The following SMYD3 variants were observed in gnomAD, a reference collection of about 807,000 sequenced individuals.
SMYD3 encodes SET and MYND domain containing 3, also known as histone-lysine N-methyltransferase SMYD3.
SMYD3 carries 36 observed loss-of-function variants against 57.7 expected under a neutral mutation model. The ratio of observed to expected loss-of-function variants is 0.62; its 90% CI spans 0.48 to 0.82. The LOEUF is 0.82. Among genes scored for constraint, SMYD3 ranks in the 40% least tolerant of loss-of-function variants. SMYD3 has a pLI of 0.00. For synonymous variants in SMYD3, 211 were observed against 195.0 expected (o/e 1.08, Z -0.68); for missense variants, 515 against 538.8 (o/e 0.96, Z 0.44).
At chr1:245,894,843 G>A (rs1006283475) in intron 8 of SMYD3, among the ~76,000 whole-genome samples, 3 of 152,188 alleles carry the variant, frequency 2.0e-5, no homozygotes, top group Non-Finnish European at 2.9e-5. Context: ...AGAAAAGAAT[G>A]TGTGTGCAAG....
intron 7 of SMYD3, among the ~76,000 whole-genome samples, chr1:245,925,179 A>C (rs113632056): frequency 6.6e-6 from 1 of 152,104 alleles, no homozygotes; most frequent in African/African-American, 2.4e-5. Flanking sequence ...AAAATGTCTA[A>C]AATTTTTTCC....
Position 246,355,118 on chromosome 1 carries a change from G to T in SMYD3, c.165-24C>A. The T allele has an allele frequency of 6.2e-7, 1 of 1,611,952 alleles. No homozygotes were observed. Among genetic ancestry groups the T allele is most frequent in the Non-Finnish European group, 8.5e-7 (1 of 1,178,116 alleles). ...TCCTGTGGGGAAAAAAATTAATTCT[G>T]CATTAAGAAATGAGTGGGAAACATA... is the stretch of plus-strand genomic sequence containing the variant. On this transcript the variant is annotated intron_variant, in intron 1 of 11. Coordinates refer to ENST00000490107, the MANE Select transcript of SMYD3 (RefSeq NM_001167740.2). The surrounding 1 kb of genome is among the most constrained non-coding windows in gnomAD (Gnocchi z 5.0).
chr1:246,406,581 A>C (rs1180878952), intron 1 of SMYD3, among the ~76,000 whole-genome samples: 2 of 152,222 alleles, frequency 1.3e-5, no homozygotes, highest in Non-Finnish European at 2.9e-5. Flanking sequence ...CACCGTGTCC[A>C]TAGTGCTACG....
intron 11 of SMYD3, among the ~76,000 whole-genome samples, chr1:245,751,445 C>CT (rs35312194): frequency 5.3e-5 from 8 of 152,012 alleles, no homozygotes; most frequent in Non-Finnish European, 1.2e-4. Flanking sequence ...TTTCTGGCTT[C>CT]TTTTTTCACC....
At chr1:245,803,626 A>T (rs2047985371) in intron 10 of SMYD3, among the ~76,000 whole-genome samples, 1 of 152,248 alleles carries the variant, frequency 6.6e-6, no homozygotes. Flanking sequence ...TTATGTAACA[A>T]AACGACATTA....
chr1:246,498,187 C>G (rs906674264), intron 1 of SMYD3, among the ~76,000 whole-genome samples: 1 of 152,144 alleles, frequency 6.6e-6, no homozygotes, highest in Non-Finnish European at 1.5e-5. Flanking sequence ...GGAATCTACC[C>G]TGAAGATACA....
At chr1:246,263,787 T>C (rs955758685) in intron 5 of SMYD3, among the ~76,000 whole-genome samples, 1 of 152,196 alleles carries the variant, frequency 6.6e-6, no homozygotes, top group African/African-American at 2.4e-5. Flanking sequence ...AGTGGTTAAT[T>C]TGAACATTTC....
chr1:246,263,654 A>G (rs2064052121), intron 5 of SMYD3, among the ~76,000 whole-genome samples: 2 of 152,242 alleles, frequency 1.3e-5, no homozygotes, highest in Admixed American at 6.5e-5. Flanking sequence ...ATATAACTTA[A>G]TAGTAAAAAT....
At chr1:246,457,488 G>C (rs1214593107) in intron 1 of SMYD3, among the ~76,000 whole-genome samples, 2 of 138,624 alleles carry the variant, frequency 1.4e-5, no homozygotes, top group Non-Finnish European at 3.0e-5. Context: ...AGCTGAGATC[G>C]TGCCACTGCA....
intron 5 of SMYD3, among the ~76,000 whole-genome samples, chr1:246,185,757 G>A (rs1350076712): frequency 2.0e-5 from 3 of 152,154 alleles, no homozygotes. Context: ...ACCGTGCCTG[G>A]CTGGTAATTC....
intron 5 of SMYD3, among the ~76,000 whole-genome samples, chr1:246,279,520 A>C (rs2148567258): frequency 6.6e-6 from 1 of 152,190 alleles, no homozygotes; most frequent in Non-Finnish European, 1.5e-5. Flanking sequence ...ACTCCTTCTC[A>C]AAACAAAAAC....
In SMYD3 at chr1:246,205,686, G is replaced by A. The variant is rs1014735063; in HGVS notation, c.531+121515C>T. On this transcript the variant is annotated intron_variant, in intron 5 of 11. Transcript: ENST00000490107. ...AATACAAAAATTAGCTGGGCATGGT[G>A]GCGAGCGCCTGTAGTCCCAGCTACT... Among the ~76,000 whole-genome samples the A allele has an allele frequency of 3.9e-5, 6 of 152,236 alleles. 1 individual carries two copies. In the South Asian group the frequency reaches 8.3e-4, roughly 21 times the overall value.
intron 5 of SMYD3, among the ~76,000 whole-genome samples, chr1:246,038,719 T>G (rs2059820027): frequency 6.6e-6 from 1 of 152,222 alleles, no homozygotes; most frequent in Non-Finnish European, 1.5e-5. Flanking sequence ...TTAGAGTTCT[T>G]ACAACTAGGG....
chr1:245,761,060 A>G (rs908672801), intron 11 of SMYD3, among the ~76,000 whole-genome samples: 17 of 152,044 alleles, frequency 1.1e-4, no homozygotes, highest in Non-Finnish European at 5.9e-5. Flanking sequence ...TCTTTCTACA[A>G]CTCTGCCAGG....
intron 1 of SMYD3, among the ~76,000 whole-genome samples, chr1:246,457,066 G>C (rs1425713204): frequency 2.0e-5 from 3 of 152,080 alleles, no homozygotes; most frequent in African/African-American, 7.2e-5. Context: ...CTCTTGAGTA[G>C]ACTTTTTTTC....
At chr1:246,171,189 T>G (rs998088278) in intron 5 of SMYD3, among the ~76,000 whole-genome samples, 1 of 152,204 alleles carries the variant, frequency 6.6e-6, no homozygotes, top group Non-Finnish European at 1.5e-5. Flanking sequence ...AATCAAGAAT[T>G]GATTTTGGTA....
intron 1 of SMYD3, among the ~76,000 whole-genome samples, chr1:246,467,930 G>A (rs1233065105): frequency 6.6e-6 from 1 of 152,200 alleles, no homozygotes; most frequent in Non-Finnish European, 1.5e-5. Context: ...AGAGGCCAAG[G>A]TGGGCAGATC....
chr1:246,362,830 C>T (rs1165776019), intron 1 of SMYD3, among the ~76,000 whole-genome samples: 5 of 152,100 alleles, frequency 3.3e-5, no homozygotes, highest in Non-Finnish European at 7.3e-5. Flanking sequence ...ACCTCCCAGC[C>T]GCCTGCCTTG....
chr1:246,442,204 C>A (rs904696033), intron 1 of SMYD3, among the ~76,000 whole-genome samples: 1 of 152,180 alleles, frequency 6.6e-6, no homozygotes, highest in Non-Finnish European at 1.5e-5. Context: ...ATGTGATAAT[C>A]CATTAGAGGT....
Sources: allele counts gnomAD v4.1 joint callset (sites outside exome capture counted in the v4.1 genomes callset), GRCh38; gene constraint gnomAD v4.1.1; non-coding constraint Gnocchi (gnomAD v3.1); transcripts MANE v1.5; gene names NCBI Gene and HGNC (gene_info 2026-07-23, HGNC 2026-07-21).